The following LRP1B variants were observed in gnomAD, a reference collection of about 807,000 sequenced individuals.
LRP1B encodes the protein low-density lipoprotein receptor-related protein 1B.
Under a neutral mutation model 556.6 loss-of-function variants are expected in LRP1B, and 217 were observed. The ratio of observed to expected loss-of-function variants is 0.39; its 90% confidence interval spans 0.35 to 0.44. The LOEUF is 0.44. Ranked by LOEUF, LRP1B falls within the 20% of genes least tolerant of loss-of-function variation. The pLI, the probability that LRP1B is intolerant of heterozygous loss-of-function variation, is 1.00. For missense variants in LRP1B, 5,053 were observed against 5,620.8 expected (o/e 0.90, Z 3.23); for synonymous variants, 2,047 against 1,865.8 (o/e 1.10, Z -2.50).
intron 2 of LRP1B, among the ~76,000 whole-genome samples, chr2:141,693,928 ATG>A: frequency 6.6e-6 from 1 of 152,130 alleles, no homozygotes; most frequent in Admixed American, 6.6e-5. Flanking sequence ...TAGAAGCCAC[ATG>A]AATTGAGAAG....
intron 1 of LRP1B, among the ~76,000 whole-genome samples, chr2:142,084,875 AT>A (rs70994472): frequency 0.15 from 22,786 of 152,130 alleles, 1,854 homozygotes; most frequent in Non-Finnish European, 0.19. Flanking sequence ...ACATTAATAT[AT>A]TTTTTATCCT....
rs117186096 is a variant in LRP1B at position 140,586,466 on chromosome 2, C to T, written c.7194+12165G>A. Among the ~76,000 whole-genome samples, 72 of 152,310 alleles carry T rather than the reference C, an allele frequency of 4.7e-4. 2 individuals carry two copies. The East Asian group carries it at 0.012, about 25-fold the overall frequency. ...TGTGACACACCCACACCAGCAAAGG[C>T]CAAGTGGGGATCCTGGGCTTCCACA... On this transcript the variant is annotated intron_variant, in intron 43 of 90. Transcript: ENST00000389484.
At chr2:141,096,274 T>C (rs1700297585) in intron 7 of LRP1B, among the ~76,000 whole-genome samples, 1 of 152,008 alleles carries the variant, frequency 6.6e-6, no homozygotes, top group South Asian at 2.1e-4. Context: ...TCTTTTTCCC[T>C]TTCAAAAACC....
chr2:141,495,527 A>C (rs911724695), intron 2 of LRP1B, among the ~76,000 whole-genome samples: 1 of 152,162 alleles, frequency 6.6e-6, no homozygotes, highest in Non-Finnish European at 1.5e-5. Flanking sequence ...TTTCTACAGA[A>C]GTTTGAACAG....
chr2:142,116,753 A>G (rs898345739), intron 1 of LRP1B, among the ~76,000 whole-genome samples: 7 of 152,192 alleles, frequency 4.6e-5, no homozygotes, highest in Non-Finnish European at 1.0e-4. Flanking sequence ...TAAAGTTAAA[A>G]AAATACTTCG....
In LRP1B at chr2:140,322,147, G is replaced by A. The variant is rs1157649049; in HGVS notation, c.12515-59C>T. On this transcript the variant is annotated intron_variant, in intron 81 of 90. Transcript: ENST00000389484. ...AATATAGATACAATAGGCTTCAAAA[G>A]CATAAAATTAAATAAGGCGAAATGA... 8 of 1,496,406 alleles carry A rather than the reference G, an allele frequency of 5.3e-6. No individual in the cohort carries two copies. In the East Asian group the frequency reaches 9.1e-5, roughly 17 times the overall value. 92.7% of individuals were successfully genotyped at this position (1,496,406 alleles called of 1,614,324 possible). A position where few individuals can be genotyped will look rare whatever the true frequency, so the allele number is the denominator to read the frequency against.
chr2:140,897,959 C>T (rs1205980864), intron 23 of LRP1B, among the ~76,000 whole-genome samples: 2 of 152,126 alleles, frequency 1.3e-5, no homozygotes, highest in Admixed American at 1.3e-4. Context: ...TTCATGTATT[C>T]ATCTATCCTA....
At chr2:140,651,343 G>A (rs1271148702) in intron 41 of LRP1B, among the ~76,000 whole-genome samples, 1 of 107,700 alleles carries the variant, frequency 9.3e-6, no homozygotes, top group South Asian at 3.5e-4. Flanking sequence ...CACACTCTGG[G>A]GACTGTTGTG....
chr2:140,306,349 C>G (rs1684066830), intron 83 of LRP1B, among the ~76,000 whole-genome samples: 1 of 151,928 alleles, frequency 6.6e-6, no homozygotes, highest in Non-Finnish European at 1.5e-5. Context: ...TTGGTCTATT[C>G]AGGGATTCAA....
intron 7 of LRP1B, among the ~76,000 whole-genome samples, chr2:141,065,298 C>T (rs1013005020): frequency 4.0e-5 from 6 of 151,864 alleles, no homozygotes; most frequent in African/African-American, 1.4e-4. Flanking sequence ...TTAGGAAAGA[C>T]AAGGACATTC....
intron 2 of LRP1B, among the ~76,000 whole-genome samples, chr2:141,487,614 A>T (rs1195369805): frequency 6.6e-6 from 1 of 152,144 alleles, no homozygotes; most frequent in East Asian, 1.9e-4. Flanking sequence ...AATTTTAAGT[A>T]TTTATACACT....
chr2:142,038,175 C>T (rs533145410), intron 1 of LRP1B, among the ~76,000 whole-genome samples: 11 of 151,724 alleles, frequency 7.3e-5, no homozygotes, highest in Middle Eastern at 3.4e-3. Flanking sequence ...TGCTCATTTA[C>T]ATGATGTCTG....
At chr2:140,250,822 T>C (rs1420915474) in intron 86 of LRP1B, among the ~76,000 whole-genome samples, 1 of 151,722 alleles carries the variant, frequency 6.6e-6, no homozygotes, top group Non-Finnish European at 1.5e-5. Context: ...CGAGATACAT[T>C]GTTATTATTA....
Position 141,098,220 on chromosome 2 carries a change from TAAATTGGTTGTA to T in LRP1B, c.1014-35959_1014-35948del, listed in dbSNP as rs368031144. On this transcript the variant is annotated intron_variant, in intron 7 of 90. Coordinates refer to ENST00000389484, the MANE Select transcript of LRP1B (RefSeq NM_018557.3). ...CTGATTCAAACTATATGGTATCTTT[TAAATTGGTTGTA>T]AAAATACTGGTATAACAGGAAAATA... is the stretch of plus-strand genomic sequence containing the variant. 8.0e-3 allele frequency among the ~76,000 whole-genome samples: 1,225 copies of T among 152,312 alleles called. 17 individuals are homozygous for T. The highest frequency in any genetic ancestry group is 0.028 in the African/African-American group (1,177 of 41,574).
Position 141,025,539 on chromosome 2 carries a change from A to G in LRP1B, c.1790-5437T>C, listed in dbSNP as rs150535518. ...ACTCTCTATAATGTGGGTTCGCCTC[A>G]TCCAATCAGTTGAAGGCCTTAAGAA... is the stretch of plus-strand genomic sequence containing the variant. On this transcript the variant is annotated intron_variant, in intron 11 of 90. Transcript: ENST00000389484. Among the ~76,000 whole-genome samples, 1,088 of 152,182 alleles carry G rather than the reference A, an allele frequency of 7.1e-3. 7 individuals are homozygous for G. The highest frequency in any genetic ancestry group is 0.012 in the Non-Finnish European group (836 of 67,996).
chr2:141,364,040 T>G (rs1459651288), intron 3 of LRP1B, among the ~76,000 whole-genome samples: 3 of 151,384 alleles, frequency 2.0e-5, no homozygotes, highest in Non-Finnish European at 2.9e-5. Flanking sequence ...CATACTTCTA[T>G]CTCATCCAGC....
intron 3 of LRP1B, among the ~76,000 whole-genome samples, chr2:141,263,369 G>T (rs1684772196): frequency 1.3e-5 from 2 of 151,912 alleles, no homozygotes. Context: ...GATAATAAAA[G>T]AAAACTATGA....
chr2:140,796,370 T>A (rs1690314013), intron 32 of LRP1B, among the ~76,000 whole-genome samples: 1 of 152,208 alleles, frequency 6.6e-6, no homozygotes, highest in Non-Finnish European at 1.5e-5. Flanking sequence ...TGCTAAGTAA[T>A]TAGCATTAAG....
intron 36 of LRP1B, 39 bp downstream of exon 36, chr2:140,716,643 T>C (rs768556236): frequency 1.9e-6 from 3 of 1,558,558 alleles, no homozygotes; most frequent in South Asian, 1.2e-5. Context: ...CCTAACAAAA[T>C]AGGTGTGAAA....
Sources: allele counts gnomAD v4.1 joint callset (sites outside exome capture counted in the v4.1 genomes callset), GRCh38; gene constraint gnomAD v4.1.1; transcripts MANE v1.5; gene names NCBI Gene and HGNC (gene_info 2026-07-23, HGNC 2026-07-21).